Variants in RBM47 observed in about 807,000 individuals in gnomAD.
The protein encoded by RBM47 is RNA binding motif protein 47, also known as RNA-binding protein 47.
RBM47 carries 21 observed loss-of-function variants against 47.1 expected under a neutral mutation model. The ratio of observed to expected loss-of-function variants is 0.45; its 90% CI spans 0.32 to 0.64. RBM47 has a LOEUF of 0.64. Ranked by LOEUF, RBM47 falls within the 30% of genes least tolerant of loss-of-function variation. The pLI is 0.05. For missense variants in RBM47, 708 were observed against 870.9 expected (o/e 0.81, Z 2.35); for synonymous variants, 375 against 361.7 (o/e 1.04, Z -0.42).
At chr4:40,485,479 C>T (rs1720947079) in intron 2 of RBM47, among the ~76,000 whole-genome samples, 1 of 152,170 alleles carries the variant, frequency 6.6e-6, no homozygotes, top group Non-Finnish European at 1.5e-5. Context: ...TGCCCCTTGA[C>T]ACCTCAATGC....
intron 2 of RBM47, among the ~76,000 whole-genome samples, chr4:40,522,503 TCAAA>T (rs1726294499): frequency 1.3e-5 from 2 of 152,096 alleles, no homozygotes. Flanking sequence ...AGACTCCATC[TCAAA>T]CAAAACAAAA....
intron 1 of RBM47, among the ~76,000 whole-genome samples, chr4:40,604,382 T>TGGGA (rs2154277977): frequency 6.6e-6 from 1 of 152,248 alleles, no homozygotes; most frequent in East Asian, 1.9e-4. Context: ...CCCAACACTT[T>TGGGA]GGGAGGCTAA....
rs28527772 is a variant in RBM47, at chr4:40,563,936, G to A, written c.-239-19430C>T. Among the ~76,000 whole-genome samples the A allele has an allele frequency of 7.7e-3, 1,179 of 152,282 alleles. 16 individuals are homozygous for A. The highest frequency in any genetic ancestry group is 0.024 in the African/African-American group (1,011 of 41,544). On this transcript the variant is annotated intron_variant, in intron 1 of 6. Coordinates refer to ENST00000295971, the MANE Select transcript of RBM47 (RefSeq NM_001098634.2). ...AAGAAAGCTATGAAAAATAGCCCAG[G>A]TGTGCTGGCTCACACCTTGTAATCC...
chr4:40,456,607 C>T (rs1450364576), intron 3 of RBM47, among the ~76,000 whole-genome samples: 1 of 142,998 alleles, frequency 7.0e-6, no homozygotes, highest in Non-Finnish European at 1.5e-5. Context: ...GCTCTGTCAC[C>T]CAGGCTGGGG....
chr4:40,579,710 T>C (rs924986695), intron 1 of RBM47, among the ~76,000 whole-genome samples: 10 of 151,320 alleles, frequency 6.6e-5, no homozygotes, highest in Admixed American at 4.0e-4. Context: ...TGTGGGTCTT[T>C]GCTGGAGTTA....
intron 3 of RBM47, among the ~76,000 whole-genome samples, chr4:40,450,564 T>G (rs554682236): frequency 6.6e-6 from 1 of 151,874 alleles, no homozygotes; most frequent in Admixed American, 6.6e-5. Flanking sequence ...ATCGCACCAA[T>G]GCACTCCAGC....
rs755727621 is a variant in RBM47, at chr4:40,437,859, G to A, written c.1035C>T (p.Tyr345=). The A allele has an allele frequency of 2.5e-6, 4 of 1,613,904 alleles. No individual in the cohort carries two copies. The highest frequency in any genetic ancestry group is 1.1e-5 in the South Asian group (1 of 91,080). Residue 345 remains tyrosine, a synonymous_variant, in exon 4 of 7, where the codon TAC becomes TAT. Coordinates refer to ENST00000295971, the MANE Select transcript of RBM47 (RefSeq NM_001098634.2). The part of the protein sequence containing the change: ...GAAEAAQQPS[Y]VYSCDPYTLA... The stretch of plus-strand genomic sequence containing the variant: ...GTGTGTAGGGGTCGCAGGAGTACAC[G>A]TAGCTGGGCTGCTGCGCTGCCTCAG...
At chr4:40,507,866 A>G (rs1724339670) in intron 2 of RBM47, among the ~76,000 whole-genome samples, 1 of 151,716 alleles carries the variant, frequency 6.6e-6, no homozygotes, top group Non-Finnish European at 1.5e-5. Flanking sequence ...CCTAAGTAAA[A>G]AAGTCAGATG....
At chr4:40,575,265 T>TA (rs1219707956) in intron 1 of RBM47, among the ~76,000 whole-genome samples, 3 of 152,046 alleles carry the variant, frequency 2.0e-5, no homozygotes, top group Admixed American at 1.3e-4. Flanking sequence ...TATAAAGAAA[T>TA]ACCAAGGAAG....
intron 1 of RBM47, among the ~76,000 whole-genome samples, chr4:40,567,326 C>G (rs548532674): frequency 4.6e-5 from 7 of 152,072 alleles, no homozygotes; most frequent in African/African-American, 1.7e-4. Flanking sequence ...TAACATTTAT[C>G]GAGCATTTAT....
At chr4:40,507,727 A>C (rs764576364) in intron 2 of RBM47, among the ~76,000 whole-genome samples, 8 of 151,038 alleles carry the variant, frequency 5.3e-5, no homozygotes, top group Non-Finnish European at 1.0e-4. Flanking sequence ...CGGAGGTTGC[A>C]GTGACCCGAG....
intron 1 of RBM47, among the ~76,000 whole-genome samples, chr4:40,554,592 C>G (rs76169119): frequency 0.011 from 1,711 of 152,106 alleles, 41 homozygotes; most frequent in African/African-American, 0.039. Flanking sequence ...TACATCTCAC[C>G]TGTAAGAGGC....
At chr4:40,456,118 A>G (rs943221529) in intron 3 of RBM47, among the ~76,000 whole-genome samples, 1 of 152,204 alleles carries the variant, frequency 6.6e-6, no homozygotes, top group Non-Finnish European at 1.5e-5. Flanking sequence ...TTATGTAAGT[A>G]TTATGTTCTT....
intron 3 of RBM47, 25 bp from the exon 4 acceptor site, chr4:40,438,949 G>A: frequency 6.8e-7 from 1 of 1,466,672 alleles, no homozygotes; most frequent in Non-Finnish European, 9.0e-7. Flanking sequence ...AGAAGCGTGA[G>A]TGGGGAACCG....
At position 40,438,267 on chromosome 4, in the gene RBM47, C is replaced by T; in HGVS notation, c.627G>A (p.Met209Ile). Residue 209 changes from methionine (M) to isoleucine (I), a missense_variant, in exon 4 of 7, where the codon ATG becomes ATA. Transcript: ENST00000295971. Reference sequence around the variant, plus strand: ...GGCCAGGCATGAGCTTGCGGCGAGCCATGGCAGCCGCGCGGTGGCTCTCGT... The same window carrying T: ...GGCCAGGCATGAGCTTGCGGCGAGCTATGGCAGCCGCGCGGTGGCTCTCGT... ...VEYESHRAAA[M>I]ARRKLMPGRI... 2.5e-6 allele frequency: 4 copies of T among 1,603,918 alleles called. No homozygotes were observed. The highest frequency in any genetic ancestry group is 3.4e-6 in the Non-Finnish European group (4 of 1,179,864).
intron 3 of RBM47, among the ~76,000 whole-genome samples, chr4:40,447,197 A>G (rs1405956260): frequency 6.6e-6 from 1 of 152,228 alleles, no homozygotes; most frequent in Non-Finnish European, 1.5e-5. Context: ...ATGAGTCTTC[A>G]CTGAAGGCTG....
chr4:40,454,527 T>A (rs1715935200), intron 3 of RBM47, among the ~76,000 whole-genome samples: 1 of 152,234 alleles, frequency 6.6e-6, no homozygotes, highest in Non-Finnish European at 1.5e-5. Flanking sequence ...AGATGGAGTC[T>A]CACTCTGTCA....
At chr4:40,500,316 C>CCT (rs1723183751) in intron 2 of RBM47, among the ~76,000 whole-genome samples, 1 of 150,432 alleles carries the variant, frequency 6.6e-6, no homozygotes, top group African/African-American at 2.5e-5. Context: ...TTCGTCCCCC[C>CCT]CCAAAAAAAA....
chr4:40,467,642 T>C (rs1458477329), intron 2 of RBM47, among the ~76,000 whole-genome samples: 1 of 152,004 alleles, frequency 6.6e-6, no homozygotes, highest in African/African-American at 2.4e-5. Flanking sequence ...CCATGAAAAA[T>C]ATGATTTGGG....
Sources: gnomAD v4.1 joint callset for allele counts (sites outside exome capture counted in the v4.1 genomes callset) on GRCh38, gnomAD v4.1.1 for gene constraint, MANE v1.5 for transcripts, NCBI Gene and HGNC (gene_info 2026-07-23, HGNC 2026-07-21) for gene names.